Variants in KIF16B observed in about 807,000 individuals in gnomAD.
KIF16B encodes the protein kinesin family member 16B.
Under a neutral mutation model 156.3 loss-of-function variants are expected in KIF16B, and 98 were observed. The ratio of observed to expected loss-of-function variants is 0.63; its 90% CI spans 0.53 to 0.74. The LOEUF is 0.74. Among genes scored for constraint, KIF16B ranks in the 30% least tolerant of loss-of-function variants. The pLI, the probability that KIF16B is intolerant of heterozygous loss-of-function variation, is 0.00. For missense variants in KIF16B, 1,421 were observed against 1,606.5 expected, an observed-to-expected ratio of 0.88 and a Z score of 1.97; for synonymous variants, 564 against 583.7, an observed-to-expected ratio of 0.97 and a Z score of 0.49.
chr20:16,273,226 G>T lies in KIF16B; in HGVS notation c.*27C>A, dbSNP rs750579853. The stretch of plus-strand genomic sequence containing the variant: ...CCCGCTTCGACGAGAAGGCACTGCT[G>T]TGGTGGTTCCTCCATCACCCCTGGC... On this transcript the variant is annotated 3_prime_UTR_variant, in exon 26 of 26. Coordinates refer to ENST00000354981, the MANE Select transcript of KIF16B (RefSeq NM_024704.5). The T allele has an allele frequency of 5.0e-6, 8 of 1,607,350 alleles. No homozygotes were observed. In the Admixed American group the frequency reaches 1.2e-4, roughly 23 times the overall value.
chr20:16,426,820 G>A (rs1385051492), intron 15 of KIF16B, among the ~76,000 whole-genome samples: 1 of 151,888 alleles, frequency 6.6e-6, no homozygotes, highest in Non-Finnish European at 1.5e-5. Context: ...TTGCATTTGA[G>A]GGGTACTTTT....
intron 19 of KIF16B, 106 bp downstream of exon 19, chr20:16,378,698 TA>T: frequency 8.3e-7 from 1 of 1,200,408 alleles, no homozygotes; most frequent in Non-Finnish European, 1.2e-6. Flanking sequence ...ATATGAAGGC[TA>T]AAAGAATAAG....
At chr20:16,540,540 A>C (rs922650357) in intron 1 of KIF16B, among the ~76,000 whole-genome samples, 2 of 152,204 alleles carry the variant, frequency 1.3e-5, no homozygotes, top group Non-Finnish European at 2.9e-5. Flanking sequence ...GCCATGAAAC[A>C]GACAGCTCCT....
intron 25 of KIF16B, among the ~76,000 whole-genome samples, chr20:16,287,098 T>A (rs191640147): frequency 5.3e-5 from 8 of 152,336 alleles, no homozygotes; most frequent in Non-Finnish European, 8.8e-5. Flanking sequence ...TGCCAAGTTT[T>A]AGGGCAGTTC....
intron 1 of KIF16B, among the ~76,000 whole-genome samples, chr20:16,534,884 G>A (rs530031488): frequency 1.3e-5 from 2 of 152,214 alleles, no homozygotes; most frequent in South Asian, 2.1e-4. Context: ...CCAATACCAT[G>A]CTGTTTTGGT....
intron 3 of KIF16B, 73 bp from the exon 4 acceptor site, chr20:16,515,737 A>G: frequency 1.3e-6 from 1 of 774,238 alleles, no homozygotes; most frequent in Admixed American, 2.0e-5. Flanking sequence ...AGTGTTGACA[A>G]TGTTCTTGAA....
intron 3 of KIF16B, among the ~76,000 whole-genome samples, chr20:16,524,531 T>C (rs1011333724): frequency 6.6e-6 from 1 of 152,088 alleles, no homozygotes; most frequent in Non-Finnish European, 1.5e-5. Context: ...AAACAACAGA[T>C]GATAGAGAGG....
At chr20:16,343,973 A>G (rs1330462481) in intron 23 of KIF16B, among the ~76,000 whole-genome samples, 2 of 152,206 alleles carry the variant, frequency 1.3e-5, no homozygotes, top group Non-Finnish European at 2.9e-5. Context: ...TGCCTGCTCA[A>G]TAACTTTTCC....
At chr20:16,464,282 G>A (rs1004818051) in intron 12 of KIF16B, among the ~76,000 whole-genome samples, 2 of 152,022 alleles carry the variant, frequency 1.3e-5, no homozygotes, top group African/African-American at 2.4e-5. Context: ...GAATATAATA[G>A]AATGATCAAA....
intron 16 of KIF16B, among the ~76,000 whole-genome samples, chr20:16,405,179 G>T (rs931575184): frequency 6.6e-6 from 1 of 152,114 alleles, no homozygotes; most frequent in Non-Finnish European, 1.5e-5. Context: ...CTCCCCTGCC[G>T]GTTAAAGTCA....
chr20:16,468,202 C>A (rs919079655), intron 12 of KIF16B, among the ~76,000 whole-genome samples: 1 of 152,110 alleles, frequency 6.6e-6, no homozygotes, highest in Admixed American at 6.5e-5. Context: ...CTACTCTAAT[C>A]AAAAGAAAGT....
chr20:16,528,571 C>A, intron 1 of KIF16B, 131 bp from the exon 2 acceptor site: 1 of 656,658 alleles, frequency 1.5e-6, no homozygotes, highest in Non-Finnish European at 2.7e-6. Context: ...AGGAGCAATC[C>A]CAGACACGGC....
intron 5 of KIF16B, among the ~76,000 whole-genome samples, chr20:16,512,568 T>C (rs1205490655): frequency 6.6e-6 from 1 of 152,238 alleles, no homozygotes; most frequent in Non-Finnish European, 1.5e-5. Flanking sequence ...CCATTTGAGA[T>C]GAACATCCCA....
chr20:16,440,526 AGCGC>A (rs201313385), intron 12 of KIF16B, among the ~76,000 whole-genome samples: 12 of 99,394 alleles, frequency 1.2e-4, no homozygotes, highest in African/African-American at 4.7e-4. Flanking sequence ...AAAACACACA[AGCGC>A]GCGCACACAC....
intron 17 of KIF16B, among the ~76,000 whole-genome samples, chr20:16,400,568 A>G (rs138866965): frequency 0.011 from 1,658 of 152,368 alleles, 16 homozygotes; most frequent in Non-Finnish European, 0.016. Flanking sequence ...ACCCATGTTC[A>G]TAGCAGCATT....
chr20:16,550,484 G>T (rs1378908586), intron 1 of KIF16B, among the ~76,000 whole-genome samples: 2 of 139,780 alleles, frequency 1.4e-5, no homozygotes, highest in Non-Finnish European at 3.1e-5. Context: ...TATCATTTTC[G>T]TTTTTTTTCC....
chr20:16,410,628 G>C (rs2065929926), intron 15 of KIF16B, among the ~76,000 whole-genome samples: 1 of 152,160 alleles, frequency 6.6e-6, no homozygotes, highest in East Asian at 1.9e-4. Flanking sequence ...GGAACAATCA[G>C]AAAGCAAAGG....
intron 12 of KIF16B, among the ~76,000 whole-genome samples, chr20:16,470,228 T>G (rs984255393): frequency 1.3e-5 from 2 of 152,180 alleles, no homozygotes; most frequent in African/African-American, 4.8e-5. Flanking sequence ...TTTAGGGCAG[T>G]GAAACTATTC....
At chr20:16,478,036 G>A (rs1354419043) in intron 12 of KIF16B, among the ~76,000 whole-genome samples, 5 of 152,166 alleles carry the variant, frequency 3.3e-5, no homozygotes. Flanking sequence ...GACTGTGTGA[G>A]TGACAGCTCT....
Sources: allele counts gnomAD v4.1 joint callset (sites outside exome capture counted in the v4.1 genomes callset), GRCh38; gene constraint gnomAD v4.1.1; transcripts MANE v1.5; gene names NCBI Gene and HGNC (gene_info 2026-07-23, HGNC 2026-07-21).